Variants in SSH2 observed in about 807,000 individuals in gnomAD.
SSH2 encodes the protein slingshot protein phosphatase 2.
SSH2 carries 37 observed loss-of-function variants against 135.2 expected under a neutral mutation model. The ratio of observed to expected loss-of-function variants is 0.27; its 90% confidence interval spans 0.21 to 0.36. SSH2 has a LOEUF of 0.36. Ranked by LOEUF, SSH2 falls within the 10% of genes least tolerant of loss-of-function variation. The pLI is 1.00. For missense variants in SSH2, 1,408 were observed against 1,765.3 expected (o/e 0.80, Z 3.63); for synonymous variants, 628 against 646.2 (o/e 0.97, Z 0.43).
intron 3 of SSH2, among the ~76,000 whole-genome samples, chr17:29,739,901 T>C (rs2040498995): frequency 6.6e-6 from 1 of 152,216 alleles, no homozygotes; most frequent in African/African-American, 2.4e-5. Flanking sequence ...TTGCATCCTT[T>C]AAAAAAGTTT....
chr17:29,677,014 T>C (rs575816051), intron 7 of SSH2, 129 bp from the exon 8 acceptor site: 4 of 727,830 alleles, frequency 5.5e-6, no homozygotes, highest in South Asian at 1.7e-5. Context: ...GCATTTCACG[T>C]AGAAGTTTTA....
At chr17:29,871,824 A>G (rs1312550984) in intron 1 of SSH2, among the ~76,000 whole-genome samples, 1 of 152,238 alleles carries the variant, frequency 6.6e-6, no homozygotes, top group Non-Finnish European at 1.5e-5. Flanking sequence ...AAAATCTTAA[A>G]GATGTTCATG....
intron 2 of SSH2, among the ~76,000 whole-genome samples, chr17:29,842,735 AC>A (rs2043064088): frequency 6.6e-6 from 1 of 152,158 alleles, no homozygotes; most frequent in African/African-American, 2.4e-5. Context: ...TTTGCATCAG[AC>A]CCCTTCCAAA....
chr17:29,748,740 T>A (rs571741030), intron 3 of SSH2, among the ~76,000 whole-genome samples: 1 of 152,162 alleles, frequency 6.6e-6, no homozygotes, highest in Non-Finnish European at 1.5e-5. Context: ...TAAAACTTCT[T>A]GGTTCTAAGC....
At chr17:29,643,217 G>A in intron 14 of SSH2, 1 of 985,100 alleles carries the variant, frequency 1.0e-6, no homozygotes, top group Non-Finnish European at 1.2e-6. Flanking sequence ...GAGTCTGCTG[G>A]GCCTATTCAC....
intron 3 of SSH2, chr17:29,775,630 T>C (rs2041681914): frequency 6.6e-6 from 1 of 152,296 alleles, no homozygotes; most frequent in South Asian, 2.1e-4. Flanking sequence ...AAGAAAGTCC[T>C]CTCCTGATCT....
rs566302752 is a variant in SSH2, at chr17:29,698,408, G to A, written c.293-2885C>T. Among the ~76,000 whole-genome samples the A allele has an allele frequency of 2.6e-5, 4 of 152,222 alleles. No homozygotes were observed. The South Asian group carries it at 6.2e-4, about 24-fold the overall frequency. Reference sequence around the variant, plus strand: ...AAAAATAAAAGAACAAGTATGAGGAGACAAAGTGTTAGGTATAAACAGTGA... The same window carrying A: ...AAAAATAAAAGAACAAGTATGAGGAAACAAAGTGTTAGGTATAAACAGTGA... On this transcript the variant is annotated intron_variant, in intron 4 of 15. Coordinates refer to ENST00000540801, the MANE Select transcript of SSH2 (RefSeq NM_001282129.2).
chr17:29,630,816 G>C lies in SSH2; in HGVS notation c.*25C>G. The C allele has an allele frequency of 1.3e-6, 2 of 1,511,792 alleles. No homozygotes were observed. Among genetic ancestry groups the C allele is most frequent in the South Asian group, 1.3e-5 (1 of 74,666 alleles). 93.6% of individuals were successfully genotyped at this position (1,511,792 alleles called of 1,614,324 possible). ...GCCCCTTTTACAAACATTTCTTCTAGAAAGTCACATGTGTAGGCTCAGAAT... is the reference window on the plus strand; with the variant it reads ...GCCCCTTTTACAAACATTTCTTCTACAAAGTCACATGTGTAGGCTCAGAAT... On this transcript the variant is annotated 3_prime_UTR_variant, in exon 16 of 16. Coordinates refer to ENST00000540801, the MANE Select transcript of SSH2 (RefSeq NM_001282129.2).
chr17:29,858,907 G>A (rs757989801), intron 1 of SSH2, among the ~76,000 whole-genome samples: 13 of 151,856 alleles, frequency 8.6e-5, no homozygotes, highest in Non-Finnish European at 1.6e-4. Flanking sequence ...AAAAAGAGAA[G>A]AGATTAGGAC....
At position 29,636,336 on chromosome 17, in the gene SSH2, C is replaced by T; in HGVS notation, c.1894G>A (p.Asp632Asn). The T allele has an allele frequency of 2.5e-6, 4 of 1,614,184 alleles. No individual in the cohort carries two copies. The highest frequency in any genetic ancestry group is 3.4e-6 in the Non-Finnish European group (4 of 1,180,036). ...ATAGGCAGTAGGTGGACATTCATGT[C>T]TGCTTTCAGTGCATCTGTCTCCAAA... The part of the protein sequence containing the change: ...EDLETDALKA[D>N]MNVHLLPMEE... The change falls in exon 15 of 16, where the codon GAC becomes AAC. Residue 632 changes from aspartate (D) to asparagine (N), a missense_variant. By Grantham distance (23) the Asp-to-Asn change is conservative. Coordinates refer to ENST00000540801, the MANE Select transcript of SSH2 (RefSeq NM_001282129.2).
chr17:29,755,987 T>C (rs1011667710), intron 3 of SSH2, among the ~76,000 whole-genome samples: 1 of 142,422 alleles, frequency 7.0e-6, no homozygotes, highest in African/African-American at 2.5e-5. Flanking sequence ...AGATAGAGGC[T>C]GGGCGCGGTG....
At chr17:29,793,688 G>T in intron 3 of SSH2, 1 of 476,774 alleles carries the variant, frequency 2.1e-6, no homozygotes, top group Non-Finnish European at 3.8e-6. Flanking sequence ...CAAACTCCTG[G>T]CCTTAAGCAA....
chr17:29,650,616 G>T, intron 13 of SSH2, 38 bp downstream of exon 13: 1 of 1,572,484 alleles, frequency 6.4e-7, no homozygotes, highest in South Asian at 1.2e-5. Context: ...GGGGCAAGAG[G>T]AACAGAGATC....
chr17:29,796,761 CATA>C (rs1420129586), intron 2 of SSH2, among the ~76,000 whole-genome samples: 1 of 151,778 alleles, frequency 6.6e-6, no homozygotes. Context: ...CCTTTAAATG[CATA>C]ATAATTAATT....
intron 2 of SSH2, among the ~76,000 whole-genome samples, chr17:29,830,408 C>A (rs1404567600): frequency 6.6e-6 from 1 of 152,166 alleles, no homozygotes; most frequent in Non-Finnish European, 1.5e-5. Context: ...TGACCATGAA[C>A]CTTAACATCA....
chr17:29,794,259 G>A (rs2042120879), intron 2 of SSH2, among the ~76,000 whole-genome samples: 1 of 152,096 alleles, frequency 6.6e-6, no homozygotes, highest in Non-Finnish European at 1.5e-5. Context: ...GCTTCAAAAC[G>A]AGTGGGCATT....
intron 2 of SSH2, among the ~76,000 whole-genome samples, chr17:29,848,510 C>T (rs964198568): frequency 3.9e-5 from 6 of 151,954 alleles, no homozygotes; most frequent in South Asian, 2.1e-4. Context: ...TACTATTGAC[C>T]ATTAAAAAAA....
In SSH2 at chr17:29,632,945, G is replaced by A; in HGVS notation, c.2263-14C>T. ...TTCTGAAATTGCCTAAGAAGAGAAA[G>A]TAGTGAGAAGATTATGGCAAACTGT... is the stretch of plus-strand genomic sequence containing the variant. On this transcript the variant is annotated splice_polypyrimidine_tract_variant and intron_variant, in intron 15 of 15. Transcript: ENST00000540801. 3 of 1,576,122 alleles carry A rather than the reference G, an allele frequency of 1.9e-6. No homozygotes were observed. The highest frequency in any genetic ancestry group is 2.6e-6 in the Non-Finnish European group (3 of 1,162,138).
chr17:29,725,175 G>A (rs971139766), intron 3 of SSH2, among the ~76,000 whole-genome samples: 35 of 151,266 alleles, frequency 2.3e-4, no homozygotes, highest in African/African-American at 7.3e-4. Flanking sequence ...GTGAAACCCC[G>A]TCTCTACTAA....
Sources: gnomAD v4.1 joint callset for allele counts (sites outside exome capture counted in the v4.1 genomes callset) on GRCh38, gnomAD v4.1.1 for gene constraint, MANE v1.5 for transcripts, NCBI Gene and HGNC (gene_info 2026-07-23, HGNC 2026-07-21) for gene names.